The following YWHAQ variants were observed in gnomAD, a reference collection of about 807,000 sequenced individuals.
YWHAQ encodes 14-3-3 protein theta.
Under a neutral mutation model 28.3 loss-of-function variants are expected in YWHAQ, and 6 were observed. That is an observed-to-expected ratio of 0.21 (90% confidence interval 0.12 to 0.42). The LOEUF (loss-of-function observed/expected upper bound fraction) is 0.42, where lower values mean the gene tolerates loss of function less well. Ranked by LOEUF, YWHAQ falls within the 10% of genes least tolerant of loss-of-function variation. The pLI is 1.00. For synonymous variants in YWHAQ, 143 were observed against 119.1 expected (o/e 1.20, Z -1.31); for missense variants, 201 against 305.6 (o/e 0.66, Z 2.55).
At chr2:9,605,286 TACC>T (rs978225733) in intron 2 of YWHAQ, among the ~76,000 whole-genome samples, 3 of 150,472 alleles carry the variant, frequency 2.0e-5, no homozygotes, top group South Asian at 2.1e-4. Context: ...CACAGGCGCA[TACC>T]ACCACATCTG....
chr2:9,630,357 C>T lies in YWHAQ; in HGVS notation c.96G>A (p.Gln32=). 2 of 1,614,146 alleles carry T rather than the reference C, an allele frequency of 1.2e-6. No homozygotes were observed. The highest frequency in any genetic ancestry group is 1.7e-6 in the Non-Finnish European group (2 of 1,180,040). ...GCTCCTCGTTGGACAGCTCGGCGCC[C>T]TGCTCGGTCACTGCCTTCATGCAGG... ...MATCMKAVTE[Q]GAELSNEERN... is the part of the protein sequence containing the mutation. Residue 32 remains glutamine (Q), a synonymous_variant, in exon 2 of 6, where the codon CAG becomes CAA. Coordinates refer to ENST00000238081, the MANE Select transcript of YWHAQ (RefSeq NM_006826.4). The surrounding 1 kb of genome is among the most constrained non-coding windows in gnomAD (Gnocchi z 5.6).
chr2:9,625,992 C>A (rs1183109611), intron 2 of YWHAQ, among the ~76,000 whole-genome samples: 1 of 134,640 alleles, frequency 7.4e-6, no homozygotes, highest in Admixed American at 6.9e-5. Flanking sequence ...TAATGAGCAG[C>A]GTAAGACATT....
chr2:9,591,667 G>C (rs1572987198), intron 2 of YWHAQ, 152 bp from the exon 3 acceptor site: 1 of 1,036,178 alleles, frequency 9.7e-7, no homozygotes, highest in Non-Finnish European at 1.3e-6. Flanking sequence ...CATGTTCTTA[G>C]AGCAGGGGTT....
intron 2 of YWHAQ, among the ~76,000 whole-genome samples, chr2:9,608,290 G>A (rs62119430): frequency 1.3e-5 from 2 of 151,984 alleles, no homozygotes; most frequent in Non-Finnish European, 2.9e-5. Context: ...ACATCGAGGC[G>A]CTAGATAGGA....
chr2:9,591,533 G>A lies in YWHAQ; in HGVS notation c.295-18C>T. On this transcript the variant is annotated intron_variant, in intron 2 of 5. Coordinates refer to ENST00000238081, the MANE Select transcript of YWHAQ (RefSeq NM_006826.4). Reference sequence around the variant, plus strand: ...AACAATTCCTGAAATAAATAAGACAGAACATTAGGCACTAAACTTCTGCCT... The same window carrying A: ...AACAATTCCTGAAATAAATAAGACAAAACATTAGGCACTAAACTTCTGCCT... 1 of 1,595,714 alleles carries A rather than the reference G, an allele frequency of 6.3e-7. No homozygotes were observed. The highest frequency in any genetic ancestry group is 8.6e-7 in the Non-Finnish European group (1 of 1,166,930).
intron 2 of YWHAQ, among the ~76,000 whole-genome samples, chr2:9,606,553 G>A (rs887137236): frequency 1.1e-4 from 17 of 152,128 alleles, no homozygotes; most frequent in African/African-American, 3.6e-4. Context: ...TTTTTGAGAC[G>A]GAGTCTCGCT....
intron 2 of YWHAQ, among the ~76,000 whole-genome samples, chr2:9,619,574 C>G (rs778451121): frequency 2.5e-4 from 38 of 151,700 alleles, no homozygotes; most frequent in African/African-American, 8.7e-4. Flanking sequence ...CACAAAAAAA[C>G]AAAGAGTTAC....
At chr2:9,586,063 C>T (rs1666338247) in intron 5 of YWHAQ, among the ~76,000 whole-genome samples, 1 of 152,074 alleles carries the variant, frequency 6.6e-6, no homozygotes, top group South Asian at 2.1e-4. Context: ...AACATTTTCA[C>T]AGGGAGGAAA....
In YWHAQ at chr2:9,630,675, C is replaced by T. The variant is rs943078782; in HGVS notation, c.-82-141G>A. 6 of 359,358 alleles carry T rather than the reference C, an allele frequency of 1.7e-5. No individual in the cohort carries two copies. Among genetic ancestry groups the T allele is most frequent in the African/African-American group, 4.3e-5 (2 of 46,734 alleles). 22.3% of individuals were successfully genotyped at this position (359,358 alleles called of 1,614,324 possible). A position where few individuals can be genotyped will look rare whatever the true frequency, so the allele number is the denominator to read the frequency against. On this transcript the variant is annotated intron_variant, in intron 1 of 5. Transcript: ENST00000238081. This position sits in a 1 kb window ranked among gnomAD's most constrained non-coding sequence, Gnocchi z 5.6. ...CTCCCCCGCCCCCTCCCCCGCTGGGCACCCGGGGAGGCCGCGGCCCGCGGC... is the reference window on the plus strand; with the variant it reads ...CTCCCCCGCCCCCTCCCCCGCTGGGTACCCGGGGAGGCCGCGGCCCGCGGC...
intron 2 of YWHAQ, among the ~76,000 whole-genome samples, chr2:9,628,350 T>C (rs1206572394): frequency 6.6e-6 from 1 of 152,220 alleles, no homozygotes; most frequent in Non-Finnish European, 1.5e-5. Context: ...AGTTCTATTC[T>C]AATAACACCT....
chr2:9,593,968 GAAGTT>G (rs1666516093), intron 2 of YWHAQ, among the ~76,000 whole-genome samples: 1 of 125,492 alleles, frequency 8.0e-6, no homozygotes, highest in South Asian at 2.4e-4. Flanking sequence ...GAGGCCAGAG[GAAGTT>G]AAAACACACA....
At chr2:9,594,235 T>C (rs1468951873) in intron 2 of YWHAQ, among the ~76,000 whole-genome samples, 2 of 152,190 alleles carry the variant, frequency 1.3e-5, no homozygotes, top group African/African-American at 2.4e-5. Flanking sequence ...TCAGAATTTA[T>C]TGTGCTCAAC....
chr2:9,602,829 TAAAAAAAAAAAAAAAAAAAAAAAAAAAA>T (rs869073430), intron 2 of YWHAQ, among the ~76,000 whole-genome samples: 44 of 37,212 alleles, frequency 1.2e-3, no homozygotes, highest in African/African-American at 3.6e-3. Flanking sequence ...ATGCCTAATT[TAAAAAAAAAAAAAAAAAAAAAAAAAAAA>T]AAAAAATATA....
At chr2:9,625,395 A>G (rs1667231052) in intron 2 of YWHAQ, among the ~76,000 whole-genome samples, 1 of 152,192 alleles carries the variant, frequency 6.6e-6, no homozygotes, top group Non-Finnish European at 1.5e-5. Flanking sequence ...CTTCAATATT[A>G]CAGACTAGGA....
intron 2 of YWHAQ, among the ~76,000 whole-genome samples, chr2:9,610,979 C>G (rs566038374): frequency 6.6e-6 from 1 of 152,220 alleles, no homozygotes; most frequent in South Asian, 2.1e-4. Flanking sequence ...ATTTAGTCAC[C>G]CAAGCCCCTG....
chr2:9,616,782 G>C (rs1667049293), intron 2 of YWHAQ, among the ~76,000 whole-genome samples: 2 of 152,194 alleles, frequency 1.3e-5, no homozygotes, highest in Non-Finnish European at 2.9e-5. Context: ...AGATAGTACA[G>C]CCACTTCGGA....
chr2:9,619,283 C>T (rs1348199386), intron 2 of YWHAQ, among the ~76,000 whole-genome samples: 1 of 152,164 alleles, frequency 6.6e-6, no homozygotes, highest in African/African-American at 2.4e-5. Flanking sequence ...CAGAGATGTA[C>T]AGCTGATCGT....
At chr2:9,624,205 C>T (rs1391003329) in intron 2 of YWHAQ, among the ~76,000 whole-genome samples, 1 of 152,020 alleles carries the variant, frequency 6.6e-6, no homozygotes, top group Admixed American at 6.6e-5. Flanking sequence ...GCAGTGAGCC[C>T]AGATGGCGCA....
At chr2:9,594,035 G>A (rs568660250) in intron 2 of YWHAQ, among the ~76,000 whole-genome samples, 6 of 149,904 alleles carry the variant, frequency 4.0e-5, no homozygotes, top group African/African-American at 1.2e-4. Flanking sequence ...ATTATGTATC[G>A]AAGTCTCAGA....
Sources: gnomAD v4.1 joint callset for allele counts (sites outside exome capture counted in the v4.1 genomes callset) on GRCh38, gnomAD v4.1.1 for gene constraint, Gnocchi (gnomAD v3.1) non-coding constraint, MANE v1.5 for transcripts, NCBI Gene and HGNC (gene_info 2026-07-23, HGNC 2026-07-21) for gene names.